ABCC9: variants seen among roughly 807,000 people sequenced by gnomAD.
ABCC9 encodes the protein ATP binding cassette subfamily C member 9, also known as ATP-binding cassette sub-family C member 9.
ABCC9 carries 95 observed loss-of-function variants against 188.3 expected under a neutral mutation model. The observed-to-expected ratio is 0.50, with a 90% confidence interval of 0.43 to 0.60. The LOEUF is 0.60. Ranked by LOEUF, ABCC9 falls within the 20% of genes least tolerant of loss-of-function variation. The probability of loss-of-function intolerance (pLI) is 0.00; values close to 1 mark genes in which losing one functional copy is unlikely to be tolerated. For synonymous variants in ABCC9, 659 were observed against 652.7 expected (o/e 1.01, Z -0.15); for missense variants, 1,102 against 1,876.3 (o/e 0.59, Z 7.62).
rs1944436870 is a variant in ABCC9 at position 21,842,381 on chromosome 12, G to C, written c.3406C>G (p.Leu1136Val). 1 of 1,614,012 alleles carries C rather than the reference G, an allele frequency of 6.2e-7. No homozygotes were observed. Among genetic ancestry groups the C allele is most frequent in the Admixed American group, 1.7e-5 (1 of 60,004 alleles). ...ACACCAAGGGGCAGGAGAGCAACCA[G>C]GAACACAGGAGTAGCATAAGAAATC... is the stretch of plus-strand genomic sequence containing the variant. ...GMISYATPVF[L>V]VALLPLGVAF... Residue 1136 changes from leucine (L) to valine (V), a missense_variant, in exon 29 of 40, where the codon CTG becomes GTG. Leu to Val is a conservative substitution (Grantham distance 32). Transcript: ENST00000261200.
chr12:21,888,783 G>A, intron 14 of ABCC9, among the ~76,000 whole-genome samples: 1 of 151,988 alleles, frequency 6.6e-6, no homozygotes, highest in East Asian at 1.9e-4. Context: ...AAATAAATAA[G>A]TAAAACAAAG....
chr12:21,906,448 TGTGCTTCATGAA>T (rs1017894013), intron 11 of ABCC9, among the ~76,000 whole-genome samples, 160 bp from the exon 12 acceptor site: 1 of 152,102 alleles, frequency 6.6e-6, no homozygotes, highest in Non-Finnish European at 1.5e-5. Context: ...TTAAACCCTT[TGTGCTTCATGAA>T]ATAAAGAGTT....
chr12:21,927,600 G>T (rs568265033), intron 4 of ABCC9, among the ~76,000 whole-genome samples: 1 of 152,178 alleles, frequency 6.6e-6, no homozygotes, highest in Admixed American at 6.5e-5. Context: ...GTGGATGGCC[G>T]TGTGACCAAA....
At chr12:21,805,328 A>G (rs969507862) in intron 39 of ABCC9, 4 of 1,612,148 alleles carry the variant, frequency 2.5e-6, no homozygotes, top group Non-Finnish European at 3.4e-6. Flanking sequence ...AGAAAAATAG[A>G]AAAGAAGAGA....
intron 12 of ABCC9, among the ~76,000 whole-genome samples, chr12:21,903,598 C>G (rs1221384259): frequency 3.3e-5 from 5 of 152,270 alleles, no homozygotes; most frequent in Non-Finnish European, 2.9e-5. Context: ...GATACAAAAT[C>G]AATGTGCAAA....
chr12:21,859,500 G>T, intron 22 of ABCC9, 86 bp downstream of exon 22: 2 of 1,294,968 alleles, frequency 1.5e-6, no homozygotes, highest in Non-Finnish European at 2.2e-6. Flanking sequence ...ATCTTTCCTT[G>T]AGTTACTTGA....
rs1254546887 is a variant in ABCC9, at chr12:21,862,910, A to G, written c.2339+43T>C. Reference sequence around the variant, plus strand: ...TCATTCCCAAACACACGAGTCAGAAAGAGTTGCCATTTTGGTTCTAAATTT... The same window carrying G: ...TCATTCCCAAACACACGAGTCAGAAGGAGTTGCCATTTTGGTTCTAAATTT... On this transcript the variant is annotated intron_variant, in intron 20 of 39. Coordinates refer to ENST00000261200, the MANE Select transcript of ABCC9 (RefSeq NM_020297.4). 6.4e-6 allele frequency: 8 copies of G among 1,254,262 alleles called. 1 individual carries two copies. The highest frequency in any genetic ancestry group is 5.9e-5 in the African/African-American group (4 of 67,656). The allele number at this position is 1,254,262 out of a possible 1,614,324, so 77.7% of individuals were successfully genotyped here.
At chr12:21,816,909 T>C (rs528554855) in intron 33 of ABCC9, among the ~76,000 whole-genome samples, 1 of 152,310 alleles carries the variant, frequency 6.6e-6, no homozygotes, top group Middle Eastern at 3.4e-3. Context: ...TATAGTAGTT[T>C]ATAGTTTAGG....
chr12:21,890,308 G>A (rs543411566), intron 14 of ABCC9, among the ~76,000 whole-genome samples: 5 of 152,106 alleles, frequency 3.3e-5, no homozygotes, highest in South Asian at 4.1e-4. Context: ...CTTTAGCATC[G>A]TCTAAAAGCT....
At chr12:21,836,480 A>G (rs1037182492) in intron 30 of ABCC9, among the ~76,000 whole-genome samples, 2 of 152,024 alleles carry the variant, frequency 1.3e-5, no homozygotes, top group Non-Finnish European at 2.9e-5. Flanking sequence ...TCAATATTCT[A>G]TCTCCTGTAT....
intron 36 of ABCC9, 84 bp downstream of exon 36, chr12:21,811,965 T>C: frequency 1.0e-6 from 1 of 971,706 alleles, no homozygotes; most frequent in Non-Finnish European, 1.7e-6. Flanking sequence ...CACTCATACC[T>C]GAAAAATGAC....
At position 21,915,832 on chromosome 12, in the gene ABCC9, G is replaced by T. The variant is rs1362149867; in HGVS notation, c.652C>A (p.Pro218Thr). ...GCTTTTGACAGCAAATTCACAAATGGTTGAAGAAATCTCACTCCCAGATCC... is the reference window on the plus strand; with the variant it reads ...GCTTTTGACAGCAAATTCACAAATGTTTGAAGAAATCTCACTCCCAGATCC... ...LQDLGVRFLQPFVNLLSKATY... is the reference protein window; with the variant it reads ...LQDLGVRFLQTFVNLLSKATY... The change falls in exon 7 of 40, where the codon CCA becomes ACA. Residue 218 changes from proline (P) to threonine (T), a missense_variant. Pro to Thr is a conservative substitution (Grantham distance 38). Transcript: ENST00000261200. 1 of 1,613,296 alleles carries T rather than the reference G, an allele frequency of 6.2e-7. No individual in the cohort carries two copies. Among genetic ancestry groups the T allele is most frequent in the East Asian group, 2.2e-5 (1 of 44,794 alleles).
At chr12:21,841,051 G>A (rs1424115060) in intron 29 of ABCC9, among the ~76,000 whole-genome samples, 2 of 152,248 alleles carry the variant, frequency 1.3e-5, no homozygotes, top group South Asian at 4.1e-4. Flanking sequence ...CTTCCTTAGA[G>A]ACTATACATT....
At chr12:21,812,026 G>A (rs375139608) in intron 36 of ABCC9, 23 bp downstream of exon 36, 24 of 1,493,298 alleles carry the variant, frequency 1.6e-5, no homozygotes, top group Middle Eastern at 1.7e-4. Flanking sequence ...AGGCATACAG[G>A]TGTTGCTAAA....
In ABCC9 at chr12:21,848,140, A is replaced by G; in HGVS notation, c.2866+10T>C. 1.2e-6 allele frequency: 2 copies of G among 1,612,288 alleles called. No homozygotes were observed. The highest frequency in any genetic ancestry group is 1.7e-6 in the Non-Finnish European group (2 of 1,178,558). On this transcript the variant is annotated intron_variant, in intron 25 of 39. Coordinates refer to ENST00000261200, the MANE Select transcript of ABCC9 (RefSeq NM_020297.4). ...ATTAGAATGTTCCAGATAAAAGAAA[A>G]AAGATCTACCTTCGTCTTCGTCCTC... is the stretch of plus-strand genomic sequence containing the variant.
intron 5 of ABCC9, 130 bp from the exon 6 acceptor site, chr12:21,917,233 G>A (rs1436583004): frequency 2.1e-6 from 2 of 963,490 alleles, no homozygotes; most frequent in Non-Finnish European, 3.2e-6. Context: ...GGTTTTACTT[G>A]GTAAGAAAAC....
Position 21,900,663 on chromosome 12 carries a change from G to A in ABCC9, c.1619-5348C>T, listed in dbSNP as rs1169729686. On this transcript the variant is annotated intron_variant, in intron 12 of 39. Coordinates refer to ENST00000261200, the MANE Select transcript of ABCC9 (RefSeq NM_020297.4). ...ATGGCACCAGAACTACATGACGCAT[G>A]CACAAGCTTCAGTAGCTGATTTGAT... is the stretch of plus-strand genomic sequence containing the variant. Among the ~76,000 whole-genome samples the A allele has an allele frequency of 2.0e-5, 3 of 152,188 alleles. No homozygotes were observed. In the East Asian group the frequency reaches 5.8e-4, roughly 29 times the overall value.
chr12:21,813,505 T>C (rs1323874405), intron 35 of ABCC9, among the ~76,000 whole-genome samples: 3 of 152,164 alleles, frequency 2.0e-5, no homozygotes, highest in African/African-American at 7.2e-5. Context: ...AAAAAGAGAA[T>C]AAATCATTGA....
At chr12:21,889,409 T>G (rs1947037451) in intron 14 of ABCC9, among the ~76,000 whole-genome samples, 1 of 152,182 alleles carries the variant, frequency 6.6e-6, no homozygotes, top group South Asian at 2.1e-4. Flanking sequence ...TGTCATTCTG[T>G]TCTTATGTTT....
Sources: allele counts gnomAD v4.1 joint callset (sites outside exome capture counted in the v4.1 genomes callset), GRCh38; gene constraint gnomAD v4.1.1; transcripts MANE v1.5; gene names NCBI Gene and HGNC (gene_info 2026-07-23, HGNC 2026-07-21).